OPCML: variants seen among roughly 807,000 people sequenced by gnomAD.
The protein encoded by OPCML is opioid binding protein/cell adhesion molecule like.
A neutral mutation model predicts 37.8 loss-of-function variants in OPCML; 13 were observed. The ratio of observed to expected loss-of-function variants is 0.34; its 90% CI spans 0.22 to 0.55. OPCML has a LOEUF of 0.55. Ranked by LOEUF, OPCML falls within the 20% of genes least tolerant of loss-of-function variation. OPCML has a pLI of 0.91. For synonymous variants in OPCML, 176 were observed against 168.8 expected, an observed-to-expected ratio of 1.04 and a Z score of -0.33; for missense variants, 341 against 435.6, an observed-to-expected ratio of 0.78 and a Z score of 1.93.
At chr11:133,172,720 G>A (rs1950304563) in intron 1 of OPCML, among the ~76,000 whole-genome samples, 1 of 152,138 alleles carries the variant, frequency 6.6e-6, no homozygotes, top group Non-Finnish European at 1.5e-5. Flanking sequence ...TGATTTTGAA[G>A]TTTCTGTAGG....
chr11:132,647,108 G>A (rs184646631), intron 3 of OPCML, among the ~76,000 whole-genome samples: 246 of 152,264 alleles, frequency 1.6e-3, no homozygotes, highest in African/African-American at 5.6e-3. Context: ...TTATTTAAAA[G>A]CTATGGAATT....
At chr11:133,393,244 T>C (rs190081340) in intron 1 of OPCML, among the ~76,000 whole-genome samples, 2 of 152,318 alleles carry the variant, frequency 1.3e-5, no homozygotes, top group East Asian at 3.9e-4. Flanking sequence ...CAACAACATA[T>C]ATTAAATGAG....
intron 1 of OPCML, among the ~76,000 whole-genome samples, chr11:133,292,366 T>C (rs994102817): frequency 6.6e-6 from 1 of 152,116 alleles, no homozygotes; most frequent in Non-Finnish European, 1.5e-5. Flanking sequence ...CTTCTAGGGG[T>C]TCAACATTTC....
chr11:133,125,350 C>T (rs1047944863), intron 1 of OPCML, among the ~76,000 whole-genome samples: 24 of 152,144 alleles, frequency 1.6e-4, no homozygotes, highest in Admixed American at 5.9e-4. Flanking sequence ...CAGCCTCTAT[C>T]TCTTTTTCTC....
chr11:133,076,371 C>T (rs144400296), intron 1 of OPCML, among the ~76,000 whole-genome samples: 2,307 of 152,270 alleles, frequency 0.015, 38 homozygotes, highest in Non-Finnish European at 0.024. Context: ...TGTTGGCATT[C>T]CTCCACTGTA....
chr11:132,784,826 T>C (rs1281990958), intron 2 of OPCML, among the ~76,000 whole-genome samples: 1 of 152,158 alleles, frequency 6.6e-6, no homozygotes, highest in African/African-American at 2.4e-5. Flanking sequence ...TCCTTCACTT[T>C]CTACCATGAT....
chr11:132,712,277 T>C (rs1189222552), intron 2 of OPCML, among the ~76,000 whole-genome samples: 1 of 152,012 alleles, frequency 6.6e-6, no homozygotes, highest in Non-Finnish European at 1.5e-5. Flanking sequence ...TCAAAACCCA[T>C]AAAATGCTCC....
intron 1 of OPCML, among the ~76,000 whole-genome samples, chr11:133,316,364 G>A (rs549446795): frequency 6.6e-6 from 1 of 152,144 alleles, no homozygotes; most frequent in Non-Finnish European, 1.5e-5. Flanking sequence ...CTGTTCCCAG[G>A]CTAATAAAAT....
chr11:133,357,161 C>A (rs374854750), intron 1 of OPCML, among the ~76,000 whole-genome samples: 1 of 152,170 alleles, frequency 6.6e-6, no homozygotes, highest in African/African-American at 2.4e-5. Context: ...TCTACACTAC[C>A]CCAGGCATGG....
intron 1 of OPCML, among the ~76,000 whole-genome samples, chr11:133,326,183 T>A (rs1943442652): frequency 6.6e-6 from 1 of 152,038 alleles, no homozygotes; most frequent in Admixed American, 6.6e-5. Context: ...TTGAGAGCTT[T>A]ATTCCACCCG....
At chr11:132,535,801 T>C (rs898210048) in intron 3 of OPCML, among the ~76,000 whole-genome samples, 2 of 152,046 alleles carry the variant, frequency 1.3e-5, no homozygotes, top group African/African-American at 2.4e-5. Flanking sequence ...TTTCCTCCCC[T>C]AGGAGGAGTG....
chr11:133,128,727 G>T (rs1949558261), intron 1 of OPCML, among the ~76,000 whole-genome samples: 2 of 152,304 alleles, frequency 1.3e-5, no homozygotes, highest in Middle Eastern at 3.4e-3. Flanking sequence ...GCCTGTCAGT[G>T]TTGCTCCTGA....
chr11:132,744,810 C>T (rs1945558668), intron 2 of OPCML, among the ~76,000 whole-genome samples: 2 of 152,210 alleles, frequency 1.3e-5, no homozygotes, highest in Middle Eastern at 3.2e-3. Flanking sequence ...TGGGGGAATG[C>T]TTCAGAGAGC....
chr11:133,428,272 C>T (rs1213898744), intron 1 of OPCML, among the ~76,000 whole-genome samples: 6 of 152,144 alleles, frequency 3.9e-5, no homozygotes, highest in Admixed American at 3.9e-4. Context: ...AGGATACTTT[C>T]TTAATGTGAC....
Position 133,458,574 on chromosome 11 carries a change from C to CGTGTGTGTACACATATATACACGTGTGT in OPCML, c.61+73662_61+73689dup, listed in dbSNP as rs1946765098. Among the ~76,000 whole-genome samples, 7 of 85,792 alleles carry CGTGTGTGTACACATATATACACGTGTGT rather than the reference C, an allele frequency of 8.2e-5. 1 individual carries two copies. Among genetic ancestry groups the CGTGTGTGTACACATATATACACGTGTGT allele is most frequent in the Non-Finnish European group, 1.4e-4 (7 of 50,680 alleles). 56.3% of individuals were successfully genotyped at this position (85,792 alleles called of 152,430 possible). ...GTGTGTGTGTATACACATATATACA[C>CGTGTGTGTACACATATATACACGTGTGT]GTGTGTGTACACATATATACACGTG... On this transcript the variant is annotated intron_variant, in intron 1 of 7. Transcript: ENST00000524381.
chr11:132,439,698 AT>A (rs10548500), intron 4 of OPCML, among the ~76,000 whole-genome samples: 9,027 of 147,720 alleles, frequency 0.061, 663 homozygotes, highest in East Asian at 0.2. Context: ...ACACCTCGCC[AT>A]TTTTTTTTTT....
intron 4 of OPCML, among the ~76,000 whole-genome samples, chr11:132,486,961 T>G (rs561773857): frequency 6.6e-6 from 1 of 152,234 alleles, no homozygotes; most frequent in South Asian, 2.1e-4. Context: ...TCATTGCATA[T>G]TATTGGTACT....
intron 4 of OPCML, among the ~76,000 whole-genome samples, chr11:132,477,948 T>C (rs996335405): frequency 2.6e-5 from 4 of 152,248 alleles, no homozygotes; most frequent in Non-Finnish European, 5.9e-5. Context: ...AATGTATGCA[T>C]ATATTTCTGA....
At chr11:132,917,732 C>A (rs984730926) in intron 2 of OPCML, among the ~76,000 whole-genome samples, 2 of 152,190 alleles carry the variant, frequency 1.3e-5, no homozygotes, top group Admixed American at 6.6e-5. Flanking sequence ...CTGGGGAACG[C>A]TCTGATTTCC....
Sources: allele counts gnomAD v4.1 joint callset (sites outside exome capture counted in the v4.1 genomes callset), GRCh38; gene constraint gnomAD v4.1.1; transcripts MANE v1.5; gene names NCBI Gene and HGNC (gene_info 2026-07-23, HGNC 2026-07-21).